Variants in CHL1 observed in about 807,000 individuals in gnomAD.
CHL1 encodes the protein neural cell adhesion molecule L1-like protein.
CHL1 carries 96 observed loss-of-function variants against 141.9 expected under a neutral mutation model. The ratio of observed to expected loss-of-function variants is 0.68; its 90% CI spans 0.57 to 0.80. CHL1 has a LOEUF of 0.80. Among genes scored for constraint, CHL1 ranks in the 30% least tolerant of loss-of-function variants. CHL1 has a pLI of 0.00. For synonymous variants in CHL1, 613 were observed against 502.2 expected, an observed-to-expected ratio of 1.22 and a Z score of -2.95; for missense variants, 1,820 against 1,457.2, an observed-to-expected ratio of 1.25 and a Z score of -4.05.
At chr3:335,590 C>G (rs543429472) in intron 5 of CHL1, among the ~76,000 whole-genome samples, 1 of 152,312 alleles carries the variant, frequency 6.6e-6, no homozygotes, top group South Asian at 2.1e-4. Flanking sequence ...CCCTGGAAAG[C>G]TCACCAGGCC....
intron 2 of CHL1, among the ~76,000 whole-genome samples, chr3:257,160 T>C (rs1026297553): frequency 6.6e-6 from 1 of 152,180 alleles, no homozygotes; most frequent in Non-Finnish European, 1.5e-5. Context: ...TGGAAAATAC[T>C]GAAGGGATAT....
In CHL1 at chr3:337,203, T is replaced by G. The variant is rs1278778509; in HGVS notation, c.386-3591T>G. Among the ~76,000 whole-genome samples, 935 of 147,274 alleles carry G rather than the reference T, an allele frequency of 6.3e-3. 7 individuals carry two copies. The highest frequency in any genetic ancestry group is 0.024 in the South Asian group (112 of 4,582). On this transcript the variant is annotated intron_variant, in intron 5 of 27. Coordinates refer to ENST00000256509, the MANE Select transcript of CHL1 (RefSeq NM_006614.4). ...TTCTTTTGTTTTTGTTTTTTTTTTT[T>G]TTTTTGAGACGGGGTCTTGCTCTGT...
chr3:405,803 C>T lies in CHL1; in HGVS notation c.*92C>T, dbSNP rs1033193302. 3.5e-6 allele frequency: 3 copies of T among 852,366 alleles called. No individual in the cohort carries two copies. Among genetic ancestry groups the T allele is most frequent in the Non-Finnish European group, 5.6e-6 (3 of 535,570 alleles). 52.8% of individuals were successfully genotyped at this position (852,366 alleles called of 1,614,324 possible). A position where few individuals can be genotyped will look rare whatever the true frequency, so the allele number is the denominator to read the frequency against. Reference sequence around the variant, plus strand: ...AAGAACTTTCATATAGGAATAGAAACATGCTGGCCGAAGATTTCATCCAGA... The same window carrying T: ...AAGAACTTTCATATAGGAATAGAAATATGCTGGCCGAAGATTTCATCCAGA... On this transcript the variant is annotated 3_prime_UTR_variant, in exon 28 of 28. Coordinates refer to ENST00000256509, the MANE Select transcript of CHL1 (RefSeq NM_006614.4).
At chr3:318,845 CA>C (rs1202031631) in intron 2 of CHL1, among the ~76,000 whole-genome samples, 1 of 151,262 alleles carries the variant, frequency 6.6e-6, no homozygotes, top group Admixed American at 6.6e-5. Context: ...AATAATGACT[CA>C]AATGGGAATA....
intron 15 of CHL1, among the ~76,000 whole-genome samples, chr3:369,877 T>G (rs1705402553): frequency 6.6e-6 from 1 of 152,240 alleles, no homozygotes; most frequent in Admixed American, 6.5e-5. Flanking sequence ...TGTCTTTGGT[T>G]CTGTTTATGT....
intron 15 of CHL1, among the ~76,000 whole-genome samples, chr3:376,799 A>T (rs1706383180): frequency 6.6e-6 from 1 of 152,194 alleles, no homozygotes; most frequent in African/African-American, 2.4e-5. Flanking sequence ...AAGTTTTATT[A>T]TGTCTAGAAT....
intron 1 of CHL1, among the ~76,000 whole-genome samples, chr3:222,127 T>A (rs1219938724): frequency 6.6e-6 from 1 of 152,234 alleles, no homozygotes; most frequent in Non-Finnish European, 1.5e-5. Context: ...TAGTTTCCCA[T>A]TATGGTAATA....
chr3:217,700 G>C (rs1483163287), intron 1 of CHL1: 1 of 152,370 alleles, frequency 6.6e-6, no homozygotes, highest in Non-Finnish European at 1.5e-5. Context: ...GCTGGCACAA[G>C]GTGAGCTTAG....
chr3:317,722 A>G (rs973712290), intron 2 of CHL1, among the ~76,000 whole-genome samples: 1 of 151,102 alleles, frequency 6.6e-6, no homozygotes, highest in East Asian at 1.9e-4. Flanking sequence ...CAAAATTTTC[A>G]TATTAATAAT....
At chr3:202,956 T>C (rs1699086459) in intron 1 of CHL1, among the ~76,000 whole-genome samples, 1 of 152,212 alleles carries the variant, frequency 6.6e-6, no homozygotes, top group Non-Finnish European at 1.5e-5. Flanking sequence ...ATTCATACAT[T>C]TAGAACAGGC....
At chr3:203,683 G>T (rs571026820) in intron 1 of CHL1, among the ~76,000 whole-genome samples, 2 of 152,300 alleles carry the variant, frequency 1.3e-5, no homozygotes, top group Middle Eastern at 3.4e-3. Flanking sequence ...GGGCTGTCAC[G>T]TGGGACCTAT....
At chr3:377,367 G>A (rs1043864605) in intron 15 of CHL1, among the ~76,000 whole-genome samples, 3 of 152,156 alleles carry the variant, frequency 2.0e-5, no homozygotes, top group African/African-American at 7.2e-5. Flanking sequence ...GAGATTATCC[G>A]ACTCCTTCTC....
chr3:200,579 G>A (rs1448104317), intron 1 of CHL1, among the ~76,000 whole-genome samples: 1 of 152,150 alleles, frequency 6.6e-6, no homozygotes, highest in African/African-American at 2.4e-5. Context: ...CATACAATAT[G>A]CTAAGTTAAC....
chr3:220,624 A>C (rs1384936766), intron 1 of CHL1, among the ~76,000 whole-genome samples: 38 of 152,232 alleles, frequency 2.5e-4, no homozygotes. Flanking sequence ...ATGCATGTAG[A>C]ATGCTATAAT....
In CHL1 at chr3:197,082, T is replaced by TC. The variant is rs1698390320; in HGVS notation, c.-175+21dup. Reference sequence around the variant, plus strand: ...GGCGCAGGTGTGTCAGGGGTGGGGGTCCGCTGGCATCTCTCGTGCCGGCGC... The same window carrying TC: ...GGCGCAGGTGTGTCAGGGGTGGGGGTCCCGCTGGCATCTCTCGTGCCGGCGC... On this transcript the variant is annotated intron_variant, in intron 1 of 27. Transcript: ENST00000256509. 6.6e-6 allele frequency: 1 copy of TC among 150,958 alleles called. No individual in the cohort carries two copies. Among genetic ancestry groups the TC allele is most frequent in the African/African-American group, 2.4e-5 (1 of 40,854 alleles). The allele number at this position is 150,958 out of a possible 1,614,324, so 9.4% of individuals were successfully genotyped here.
chr3:354,838 G>A, intron 11 of CHL1, 67 bp downstream of exon 11: 1 of 1,572,514 alleles, frequency 6.4e-7, no homozygotes, highest in East Asian at 2.3e-5. Context: ...ATGATGGTCA[G>A]ACGTGTGTAA....
chr3:226,787 C>A lies in CHL1; in HGVS notation c.-174-17826C>A, dbSNP rs1474758164. Among the ~76,000 whole-genome samples, 6 of 152,134 alleles carry A rather than the reference C, an allele frequency of 3.9e-5. No individual in the cohort carries two copies. The South Asian group carries it at 8.3e-4, about 21-fold the overall frequency. On this transcript the variant is annotated intron_variant, in intron 1 of 27. Coordinates refer to ENST00000256509, the MANE Select transcript of CHL1 (RefSeq NM_006614.4). ...TTTTATTTTTCTCCAATCTTTTAATCTTTTAATCATTCTCCAAAATGTTGC... is the reference window on the plus strand; with the variant it reads ...TTTTATTTTTCTCCAATCTTTTAATATTTTAATCATTCTCCAAAATGTTGC...
At chr3:269,962 G>T (rs1041637505) in intron 2 of CHL1, among the ~76,000 whole-genome samples, 1 of 152,218 alleles carries the variant, frequency 6.6e-6, no homozygotes, top group African/African-American at 2.4e-5. Flanking sequence ...GTGGGATGAA[G>T]GTGGAAGTAC....
intron 3 of CHL1, among the ~76,000 whole-genome samples, chr3:323,470 TA>T (rs1004584930): frequency 3.9e-5 from 6 of 152,164 alleles, no homozygotes; most frequent in African/African-American, 1.4e-4. Flanking sequence ...ATTTGTAGAT[TA>T]AAAAAAGTAA....
Sources: gnomAD v4.1 joint callset for allele counts (sites outside exome capture counted in the v4.1 genomes callset) on GRCh38, gnomAD v4.1.1 for gene constraint, MANE v1.5 for transcripts, NCBI Gene and HGNC (gene_info 2026-07-23, HGNC 2026-07-21) for gene names.